The following USP6NL variants were observed in gnomAD, a reference collection of about 807,000 sequenced individuals.
The protein encoded by USP6NL is USP6 N-terminal like.
A neutral mutation model predicts 61.9 loss-of-function variants in USP6NL; 26 were observed. The observed-to-expected ratio is 0.42, with a 90% confidence interval of 0.31 to 0.58. The LOEUF is 0.58. USP6NL is among the 20% of genes least tolerant of loss of function. The pLI is 0.16. For synonymous variants in USP6NL, 432 were observed against 390.1 expected (o/e 1.11, Z -1.27); for missense variants, 1,114 against 1,034.3 (o/e 1.08, Z -1.06).
intron 5 of USP6NL, among the ~76,000 whole-genome samples, chr10:11,515,096 A>G (rs1434125878): frequency 2.6e-5 from 4 of 152,178 alleles, no homozygotes; most frequent in Non-Finnish European, 5.9e-5. Context: ...ACTGGAACCA[A>G]TATCTTCTTT....
At chr10:11,554,302 G>A (rs539782936) in intron 2 of USP6NL, among the ~76,000 whole-genome samples, 1 of 152,304 alleles carries the variant, frequency 6.6e-6, no homozygotes, top group East Asian at 1.9e-4. Flanking sequence ...AGATCCTACA[G>A]AAAAAGAAAG....
In USP6NL at chr10:11,510,410, A is replaced by G. The variant is rs929448457; in HGVS notation, c.196-735T>C. On this transcript the variant is annotated intron_variant, in intron 5 of 14. Coordinates refer to ENST00000609104, the MANE Select transcript of USP6NL (RefSeq NM_014688.5). The surrounding 1 kb of genome is among the most constrained non-coding windows in gnomAD (Gnocchi z 4.8). ...AAAGAATGTTCCAGGCAGCCTTGAG[A>G]ATGCATGTATTTCTGAGACAGCAGG... Among the ~76,000 whole-genome samples the G allele has an allele frequency of 6.6e-6, 1 of 152,030 alleles. No homozygotes were observed. The highest frequency in any genetic ancestry group is 2.4e-5 in the African/African-American group (1 of 41,376).
At chr10:11,533,244 A>G (rs780101040) in intron 2 of USP6NL, among the ~76,000 whole-genome samples, 1 of 152,232 alleles carries the variant, frequency 6.6e-6, no homozygotes, top group Admixed American at 6.5e-5. Flanking sequence ...ATAATGAAAC[A>G]CTATTTCCAA....
intron 14 of USP6NL, among the ~76,000 whole-genome samples, chr10:11,469,789 T>TA (rs1365483554): frequency 3.3e-5 from 5 of 152,158 alleles, no homozygotes; most frequent in Non-Finnish European, 5.9e-5. Flanking sequence ...TGCTTCACTT[T>TA]AAACAGTGCC....
chr10:11,480,448 T>C (rs148163320), intron 14 of USP6NL, among the ~76,000 whole-genome samples: 113 of 152,238 alleles, frequency 7.4e-4, no homozygotes, highest in African/African-American at 2.7e-3. Context: ...AAATAAATGA[T>C]AGTAGAATAA....
intron 2 of USP6NL, among the ~76,000 whole-genome samples, chr10:11,579,797 C>T (rs1240366519): frequency 6.6e-6 from 1 of 151,950 alleles, no homozygotes; most frequent in African/African-American, 2.4e-5. Context: ...CAAACATTTT[C>T]TATAAAAGCT....
intron 2 of USP6NL, among the ~76,000 whole-genome samples, chr10:11,535,958 T>C (rs1000152356): frequency 1.3e-5 from 2 of 152,232 alleles, no homozygotes; most frequent in Non-Finnish European, 2.9e-5. Context: ...AATTTTGCCA[T>C]GCTCTAGATC....
rs947142404 is a variant in USP6NL, at chr10:11,476,447, A to G, written c.1078+5323T>C. Among the ~76,000 whole-genome samples, 1 of 152,222 alleles carries G rather than the reference A, an allele frequency of 6.6e-6. No homozygotes were observed. Among genetic ancestry groups the G allele is most frequent in the African/African-American group, 2.4e-5 (1 of 41,440 alleles). On this transcript the variant is annotated intron_variant, in intron 14 of 14. Transcript: ENST00000609104. The surrounding 1 kb of genome is among the most constrained non-coding windows in gnomAD (Gnocchi z 4.3). The stretch of plus-strand genomic sequence containing the variant: ...TCATTATACATTTCCTTACTTCTGA[A>G]TATGTTTGAAAAGTTTCACAATAAA...
chr10:11,508,220 G>C (rs569504604), intron 6 of USP6NL, among the ~76,000 whole-genome samples: 14 of 152,076 alleles, frequency 9.2e-5, no homozygotes, highest in Non-Finnish European at 1.9e-4. Context: ...GAAATTAATA[G>C]GGGTAGTTAA....
Position 11,463,273 on chromosome 10 carries a change from T to C in USP6NL, c.1655A>G (p.Asp552Gly). 3 of 1,613,798 alleles carry C rather than the reference T, an allele frequency of 1.9e-6. No homozygotes were observed. The highest frequency in any genetic ancestry group is 2.5e-6 in the Non-Finnish European group (3 of 1,179,874). The change falls in exon 15 of 15, where the codon GAC (aspartate) becomes GGC (glycine). Residue 552 changes from aspartate to glycine, a missense_variant. Physicochemically the swap from Asp to Gly is moderately conservative, Grantham distance 94 (BLOSUM62 -1). Coordinates refer to ENST00000609104, the MANE Select transcript of USP6NL (RefSeq NM_014688.5). This position sits in a 1 kb window ranked among gnomAD's most constrained non-coding sequence, Gnocchi z 6.3. ...GKRGSTASQY[D>G]NVPGPELDSG... ...GTCCAGCTCCGGGCCTGGCACGTTG[T>C]CGTACTGCGATGCAGTGGAGCCCCG...
chr10:11,572,585 C>G (rs1002410755), intron 2 of USP6NL, among the ~76,000 whole-genome samples: 1 of 151,910 alleles, frequency 6.6e-6, no homozygotes, highest in Non-Finnish European at 1.5e-5. Context: ...TACTATCATG[C>G]TAAATCATTT....
At chr10:11,577,192 G>C (rs987443440) in intron 2 of USP6NL, among the ~76,000 whole-genome samples, 1 of 151,756 alleles carries the variant, frequency 6.6e-6, no homozygotes, top group African/African-American at 2.4e-5. Context: ...AGAGTAGCTG[G>C]GACTACAGGC....
rs772597777 is a variant in USP6NL, at chr10:11,463,000, GGA to G, written c.1926_1927del (p.Pro643GlnfsTer16). 5 of 1,613,854 alleles carry G rather than the reference GGA, an allele frequency of 3.1e-6. No homozygotes were observed. Among genetic ancestry groups the G allele is most frequent in the Non-Finnish European group, 3.4e-6 (4 of 1,179,890 alleles). On this transcript the variant is annotated frameshift_variant, in exon 15 of 15. Transcript: ENST00000609104. LOFTEE classifies it low-confidence loss of function (END_TRUNC). ...GCTGTTGGCAGTAGGGAAGTGTTTG[GGA>G]GAGTTTCCGTGGTAAACGGGGGGAT...
At chr10:11,546,146 A>G (rs1836264587) in intron 2 of USP6NL, among the ~76,000 whole-genome samples, 2 of 152,274 alleles carry the variant, frequency 1.3e-5, no homozygotes, top group African/African-American at 4.8e-5. Context: ...CAGTTTATCA[A>G]GACAAGATAT....
intron 8 of USP6NL, among the ~76,000 whole-genome samples, chr10:11,492,250 G>A (rs1489673322): frequency 6.6e-6 from 1 of 152,204 alleles, no homozygotes; most frequent in East Asian, 1.9e-4. Flanking sequence ...TGAGTGCCAA[G>A]TTGACAAGGC....
Position 11,482,039 on chromosome 10 carries a change from C to A in USP6NL, c.926-117G>T. 1 of 1,012,514 alleles carries A rather than the reference C, an allele frequency of 9.9e-7. No individual in the cohort carries two copies. Among genetic ancestry groups the A allele is most frequent in the East Asian group, 2.7e-5 (1 of 37,034 alleles). The allele number at this position is 1,012,514 out of a possible 1,614,324, so 62.7% of individuals were successfully genotyped here. ...CATTAAAAAGGGCGCAAGCAGCATACAACTTACATATGGCATTGAGGACAT... is the reference window on the plus strand; with the variant it reads ...CATTAAAAAGGGCGCAAGCAGCATAAAACTTACATATGGCATTGAGGACAT... On this transcript the variant is annotated intron_variant, in intron 13 of 14. Transcript: ENST00000609104. This position sits in a 1 kb window ranked among gnomAD's most constrained non-coding sequence, Gnocchi z 4.0.
chr10:11,466,220 T>C (rs1832445956), intron 14 of USP6NL, among the ~76,000 whole-genome samples: 1 of 152,256 alleles, frequency 6.6e-6, no homozygotes, highest in Non-Finnish European at 1.5e-5. Context: ...AGTAAAATCA[T>C]ACCCCTTTTA....
intron 14 of USP6NL, among the ~76,000 whole-genome samples, chr10:11,479,436 T>A (rs2133212098): frequency 6.6e-6 from 1 of 152,302 alleles, no homozygotes; most frequent in Non-Finnish European, 1.5e-5. Context: ...TCAGTAAACA[T>A]TTTAAAATGT....
intron 2 of USP6NL, among the ~76,000 whole-genome samples, chr10:11,535,233 T>C (rs1355708756): frequency 1.3e-5 from 2 of 152,188 alleles, no homozygotes; most frequent in Non-Finnish European, 2.9e-5. Flanking sequence ...GTGGCCAGTT[T>C]CCAAGCTGCC....
Sources: gnomAD v4.1 joint callset for allele counts (sites outside exome capture counted in the v4.1 genomes callset) on GRCh38, gnomAD v4.1.1 for gene constraint, Gnocchi (gnomAD v3.1) non-coding constraint, MANE v1.5 for transcripts, NCBI Gene and HGNC (gene_info 2026-07-23, HGNC 2026-07-21) for gene names.